PLCB1: variants seen among roughly 807,000 people sequenced by gnomAD.
PLCB1 encodes the protein 1-phosphatidylinositol 4,5-bisphosphate phosphodiesterase beta-1.
A neutral mutation model predicts 161.8 loss-of-function variants in PLCB1; 46 were observed. The ratio of observed to expected loss-of-function variants is 0.28; its 90% CI spans 0.22 to 0.36. The LOEUF is 0.36. PLCB1 is among the 10% of genes least tolerant of loss of function. The probability of loss-of-function intolerance (pLI) is 1.00; values close to 1 mark genes in which losing one functional copy is unlikely to be tolerated. For missense variants in PLCB1, 1,016 were observed against 1,472.5 expected (o/e 0.69, Z 5.07); for synonymous variants, 517 against 503.7 (o/e 1.03, Z -0.35).
At chr20:8,251,442 G>A (rs1981140656) in intron 2 of PLCB1, among the ~76,000 whole-genome samples, 1 of 151,880 alleles carries the variant, frequency 6.6e-6, no homozygotes, top group African/African-American at 2.4e-5. Flanking sequence ...GCGGATAAGA[G>A]CAGGAGAGGT....
intron 31 of PLCB1, among the ~76,000 whole-genome samples, chr20:8,854,486 C>T (rs1986999667): frequency 1.3e-5 from 2 of 152,298 alleles, no homozygotes; most frequent in Admixed American, 6.5e-5. Flanking sequence ...CCTCTTCTCC[C>T]GGGTCCAGGC....
At chr20:8,482,545 T>C (rs1473684) in intron 3 of PLCB1, among the ~76,000 whole-genome samples, 73,883 of 152,122 alleles carry the variant, frequency 0.49, 18,983 homozygotes, top group East Asian at 0.66. Flanking sequence ...TAACATTCTA[T>C]AGTCCCCTCT....
At chr20:8,408,215 C>T (rs984781291) in intron 3 of PLCB1, among the ~76,000 whole-genome samples, 8 of 152,248 alleles carry the variant, frequency 5.3e-5, no homozygotes, top group African/African-American at 1.9e-4. Context: ...TGTCTATTCT[C>T]TTTGCAACTT....
intron 2 of PLCB1, among the ~76,000 whole-genome samples, chr20:8,241,281 T>C (rs1405882137): frequency 3.9e-5 from 6 of 152,092 alleles, no homozygotes; most frequent in Non-Finnish European, 8.8e-5. Flanking sequence ...GGGTTTGGGT[T>C]CATTCTCTAT....
intron 3 of PLCB1, among the ~76,000 whole-genome samples, chr20:8,472,249 C>T (rs1043690631): frequency 2.0e-5 from 3 of 151,996 alleles, no homozygotes; most frequent in Non-Finnish European, 2.9e-5. Flanking sequence ...TTTTGGGGGC[C>T]AAATTGAAGC....
intron 3 of PLCB1, among the ~76,000 whole-genome samples, chr20:8,400,992 A>G (rs1391190943): frequency 1.3e-5 from 2 of 152,200 alleles, no homozygotes; most frequent in African/African-American, 4.8e-5. Context: ...AAATTAATCA[A>G]TTACACTTCC....
intron 2 of PLCB1, among the ~76,000 whole-genome samples, chr20:8,218,055 A>G (rs1979224557): frequency 6.6e-6 from 1 of 152,194 alleles, no homozygotes; most frequent in South Asian, 2.1e-4. Flanking sequence ...GGACTAAGAC[A>G]GGTGGGCTAA....
rs113155926 is a variant in PLCB1 at position 8,611,248 on chromosome 20, T to G, written c.247-17046T>G. Among the ~76,000 whole-genome samples, 472 of 152,204 alleles carry G rather than the reference T, an allele frequency of 3.1e-3. 2 individuals are homozygous for G. The highest frequency in any genetic ancestry group is 5.6e-3 in the Non-Finnish European group (383 of 67,986). On this transcript the variant is annotated intron_variant, in intron 3 of 31. Transcript: ENST00000338037. Reference sequence around the variant, plus strand: ...TTGTGTTTTGAAGGCTAAGAAAACATGTATACAAGAAACTAAAATGGTGCC... The same window carrying G: ...TTGTGTTTTGAAGGCTAAGAAAACAGGTATACAAGAAACTAAAATGGTGCC...
intron 2 of PLCB1, among the ~76,000 whole-genome samples, chr20:8,293,910 G>T (rs1055899576): frequency 1.5e-4 from 23 of 152,258 alleles, no homozygotes; most frequent in African/African-American, 5.1e-4. Flanking sequence ...GAAAGGGCGG[G>T]TCTGTGGCAG....
intron 2 of PLCB1, among the ~76,000 whole-genome samples, chr20:8,250,709 A>G (rs1424933841): frequency 6.6e-6 from 1 of 151,956 alleles, no homozygotes; most frequent in Non-Finnish European, 1.5e-5. Context: ...TTAAGCCCCA[A>G]CAATATAACA....
intron 3 of PLCB1, among the ~76,000 whole-genome samples, chr20:8,619,718 G>A (rs1988126891): frequency 6.6e-6 from 1 of 152,044 alleles, no homozygotes; most frequent in Non-Finnish European, 1.5e-5. Context: ...GAAATGACTT[G>A]TCCTTTAGCA....
At chr20:8,672,712 A>G (rs1020336891) in intron 9 of PLCB1, among the ~76,000 whole-genome samples, 1 of 152,140 alleles carries the variant, frequency 6.6e-6, no homozygotes, top group Non-Finnish European at 1.5e-5. Context: ...TGATTCACAG[A>G]GCTCATGCAA....
chr20:8,637,858 G>A (rs1423538340), intron 4 of PLCB1, among the ~76,000 whole-genome samples: 2 of 152,164 alleles, frequency 1.3e-5, no homozygotes, highest in Non-Finnish European at 2.9e-5. Context: ...TCATAATTAT[G>A]AATGCGGAAC....
intron 9 of PLCB1, among the ~76,000 whole-genome samples, chr20:8,666,601 GA>G (rs1416749745): frequency 6.6e-6 from 1 of 152,208 alleles, no homozygotes; most frequent in Non-Finnish European, 1.5e-5. Context: ...GCAGTTTGCA[GA>G]AATGGCAATG....
At chr20:8,628,777 A>G (rs1351667133) in intron 4 of PLCB1, among the ~76,000 whole-genome samples, 2 of 152,032 alleles carry the variant, frequency 1.3e-5, no homozygotes, top group African/African-American at 4.8e-5. Flanking sequence ...TCTACTAAAA[A>G]TACAAAATTA....
intron 18 of PLCB1, chr20:8,729,976 C>T (rs1226723052): frequency 6.6e-6 from 1 of 151,814 alleles, no homozygotes; most frequent in Non-Finnish European, 1.5e-5. Flanking sequence ...ATTTTAAATT[C>T]ATTTCTTGAA....
At chr20:8,786,710 C>T (rs1983504140) in intron 27 of PLCB1, among the ~76,000 whole-genome samples, 1 of 142,302 alleles carries the variant, frequency 7.0e-6, no homozygotes, top group African/African-American at 2.6e-5. Context: ...TTTTTTGAGA[C>T]AGAGTTTTGC....
intron 2 of PLCB1, among the ~76,000 whole-genome samples, chr20:8,200,508 T>C (rs963669928): frequency 6.6e-6 from 1 of 152,068 alleles, no homozygotes; most frequent in Admixed American, 6.6e-5. Context: ...ATTTTATTAT[T>C]ACAGAGAATG....
chr20:8,269,691 C>T (rs957448175), intron 2 of PLCB1, among the ~76,000 whole-genome samples: 1 of 151,916 alleles, frequency 6.6e-6, no homozygotes, highest in African/African-American at 2.4e-5. Context: ...TATCTCTATC[C>T]AGATACAAAG....
Sources: gnomAD v4.1 joint callset for allele counts (sites outside exome capture counted in the v4.1 genomes callset) on GRCh38, gnomAD v4.1.1 for gene constraint, MANE v1.5 for transcripts, NCBI Gene and HGNC (gene_info 2026-07-23, HGNC 2026-07-21) for gene names.